The following NEIL2 variants were observed in gnomAD, a reference collection of about 807,000 sequenced individuals.
The protein encoded by NEIL2 is nei like DNA glycosylase 2, also known as endonuclease 8-like 2.
NEIL2 carries 23 observed loss-of-function variants against 22.2 expected under a neutral mutation model. The observed-to-expected ratio is 1.04, with a 90% confidence interval of 0.75 to 1.47. The LOEUF (loss-of-function observed/expected upper bound fraction) is 1.47. Ranked by LOEUF, NEIL2 falls within the 40% of genes most tolerant of loss-of-function variation. NEIL2 has a pLI of 0.00. For synonymous variants in NEIL2, 229 were observed against 164.8 expected (o/e 1.39, Z -2.99); for missense variants, 583 against 404.7 (o/e 1.44, Z -3.78).
chr8:11,778,731 C>G (rs1404048651), intron 2 of NEIL2, among the ~76,000 whole-genome samples: 1 of 151,896 alleles, frequency 6.6e-6, no homozygotes, highest in Non-Finnish European at 1.5e-5. Flanking sequence ...ACGGGCAGAT[C>G]GCTTGAGGTC....
intron 2 of NEIL2, among the ~76,000 whole-genome samples, chr8:11,776,701 G>T (rs1217784471): frequency 2.0e-5 from 3 of 152,178 alleles, no homozygotes; most frequent in African/African-American, 4.8e-5. Flanking sequence ...TCTTGCCACA[G>T]CACCTGGGGC....
chr8:11,780,163 G>T (rs1048577000), intron 3 of NEIL2, among the ~76,000 whole-genome samples: 1 of 152,100 alleles, frequency 6.6e-6, no homozygotes, highest in Non-Finnish European at 1.5e-5. Flanking sequence ...ACCAAGAGGT[G>T]GCTGGGAGAA....
chr8:11,774,092 C>G (rs1428656264), intron 2 of NEIL2, among the ~76,000 whole-genome samples: 2 of 152,146 alleles, frequency 1.3e-5, no homozygotes, highest in Non-Finnish European at 2.9e-5. Context: ...ATAAAACCGT[C>G]AGGCCAGGTG....
Position 11,783,304 on chromosome 8 carries a change from C to T in NEIL2, c.593C>T (p.Ser198Phe). 6.2e-7 allele frequency: 1 copy of T among 1,614,176 alleles called. No individual in the cohort carries two copies. Among genetic ancestry groups the T allele is most frequent in the Non-Finnish European group, 8.5e-7 (1 of 1,180,000 alleles). The change falls in exon 4 of 5, where the codon TCT (serine) becomes TTT (phenylalanine). Residue 198 changes from serine (S) to phenylalanine (F), a missense_variant. Transcript: ENST00000284503. Reference sequence around the variant, plus strand: ...GTCACACCCACCTGTGACATCCTGTCTGAGAAGTTCCATCGAGGACAAGCC... The same window carrying T: ...GTCACACCCACCTGTGACATCCTGTTTGAGAAGTTCCATCGAGGACAAGCC... ...PVVTPTCDIL[S>F]EKFHRGQALE... is the part of the protein sequence containing the mutation.
chr8:11,776,789 G>A (rs1409784531), intron 2 of NEIL2, among the ~76,000 whole-genome samples: 1 of 152,156 alleles, frequency 6.6e-6, no homozygotes, highest in Non-Finnish European at 1.5e-5. Context: ...CCCCTCTGCT[G>A]CAGCAGGGGT....
chr8:11,772,241 G>T (rs1803518645), intron 2 of NEIL2, among the ~76,000 whole-genome samples: 1 of 152,158 alleles, frequency 6.6e-6, no homozygotes, highest in African/African-American at 2.4e-5. Context: ...TTCAGATCTA[G>T]GTTCAAACCA....
rs8191519 is a variant in NEIL2, at chr8:11,769,923, G to T, written c.-415G>T. ...GCGGAGGTGCTGCCCACGCCTGGAG[G>T]CCCCCACTGACCCTCAGACCCGCGT... is the stretch of plus-strand genomic sequence containing the variant. On this transcript the variant is annotated 5_prime_UTR_variant, in exon 1 of 5. Transcript: ENST00000284503. 2.9e-4 allele frequency: 44 copies of T among 152,486 alleles called. No individual in the cohort carries two copies. The highest frequency in any genetic ancestry group is 1.1e-3 in the African/African-American group (44 of 41,560). 9.4% of individuals were successfully genotyped at this position (152,486 alleles called of 1,614,324 possible).
rs8191671 is a variant in NEIL2 at position 11,786,764 on chromosome 8, A to C, written c.*491A>C. ...AAGCAGTCTTCATCTCAGCCTCCAG[A>C]GTAGCTGGGACTACAGGCATGTGAT... On this transcript the variant is annotated 3_prime_UTR_variant, in exon 5 of 5. Coordinates refer to ENST00000284503, the MANE Select transcript of NEIL2 (RefSeq NM_145043.4). The C allele has an allele frequency of 0.029, 5,561 of 189,432 alleles. 325 individuals are homozygous for C. Among genetic ancestry groups the C allele is most frequent in the African/African-American group, 0.12 (5,139 of 41,684 alleles). 11.7% of individuals were successfully genotyped at this position (189,432 alleles called of 1,614,324 possible).
intron 4 of NEIL2, 22 bp from the exon 5 acceptor site, chr8:11,785,941 A>C (rs759607649): frequency 6.2e-6 from 10 of 1,611,026 alleles, no homozygotes; most frequent in South Asian, 1.1e-5. Context: ...TCCTTCCCTT[A>C]CCTTCCCCCG....
chr8:11,774,003 T>C (rs1397826936), intron 2 of NEIL2, among the ~76,000 whole-genome samples: 1 of 152,266 alleles, frequency 6.6e-6, no homozygotes, highest in South Asian at 2.1e-4. Context: ...CTCGCAATTA[T>C]GGCAGTAGGC....
intron 3 of NEIL2, among the ~76,000 whole-genome samples, chr8:11,781,470 A>G (rs1804416069): frequency 6.6e-6 from 1 of 152,214 alleles, no homozygotes; most frequent in African/African-American, 2.4e-5. Context: ...CAGATGAGGA[A>G]ACTTTCCTTA....
chr8:11,785,950 C>T lies in NEIL2; in HGVS notation c.689-13C>T, dbSNP rs8191663. Reference sequence around the variant, plus strand: ...CCTTTGTCCTTCCCTTACCTTCCCCCGCTTTATTTCAGGGAACATCATTAA... The same window carrying T: ...CCTTTGTCCTTCCCTTACCTTCCCCTGCTTTATTTCAGGGAACATCATTAA... On this transcript the variant is annotated splice_polypyrimidine_tract_variant and intron_variant, in intron 4 of 4. Coordinates refer to ENST00000284503, the MANE Select transcript of NEIL2 (RefSeq NM_145043.4). 0.23 allele frequency: 375,658 copies of T among 1,610,756 alleles called. 44,963 individuals are homozygous for T. Among genetic ancestry groups the T allele is most frequent in the African/African-American group, 0.32 (24,149 of 74,836 alleles).
intron 4 of NEIL2, among the ~76,000 whole-genome samples, chr8:11,784,674 C>T (rs1413208165): frequency 6.6e-6 from 1 of 152,158 alleles, no homozygotes; most frequent in Non-Finnish European, 1.5e-5. Flanking sequence ...GGACTCAGTC[C>T]ACTGTGGGTT....
intron 3 of NEIL2, among the ~76,000 whole-genome samples, chr8:11,780,938 A>G (rs1026342394): frequency 5.3e-5 from 8 of 152,148 alleles, no homozygotes; most frequent in African/African-American, 1.9e-4. Flanking sequence ...TTTTTGTGAC[A>G]TGTGTTGCCA....
chr8:11,772,483 G>A (rs1004235850), intron 2 of NEIL2, among the ~76,000 whole-genome samples: 6 of 152,168 alleles, frequency 3.9e-5, no homozygotes, highest in Non-Finnish European at 8.8e-5. Flanking sequence ...TGGTCTTCCA[G>A]CTTCCACTTG....
At chr8:11,774,558 T>G (rs1803748661) in intron 2 of NEIL2, among the ~76,000 whole-genome samples, 2 of 152,094 alleles carry the variant, frequency 1.3e-5, no homozygotes, top group Admixed American at 1.3e-4. Flanking sequence ...TCCTCACATT[T>G]CAAAACCAAT....
chr8:11,778,951 A>AG (rs2130492913), intron 2 of NEIL2, among the ~76,000 whole-genome samples: 1 of 148,072 alleles, frequency 6.8e-6, no homozygotes, highest in East Asian at 1.9e-4. Context: ...CTGAAAAAAA[A>AG]AAAAAAAAAA....
chr8:11,770,249 G>A lies in NEIL2; in HGVS notation c.-89G>A, dbSNP rs1384863524. The stretch of plus-strand genomic sequence containing the variant: ...CTAAACGAAACATGCCCACGTGTCC[G>A]GAGATTTTCAGGACTTGGTGCATTT... On this transcript the variant is annotated 5_prime_UTR_variant, in exon 1 of 5. Transcript: ENST00000284503. 3 of 152,222 alleles carry A rather than the reference G, an allele frequency of 2.0e-5. No homozygotes were observed. Among genetic ancestry groups the A allele is most frequent in the Non-Finnish European group, 4.4e-5 (3 of 68,054 alleles). 9.4% of individuals were successfully genotyped at this position (152,222 alleles called of 1,614,324 possible).
rs928400192 is a variant in NEIL2 at position 11,771,527 on chromosome 8, G to T, written c.80G>T (p.Gly27Val). 2.5e-6 allele frequency: 4 copies of T among 1,613,976 alleles called. No individual in the cohort carries two copies. The African/African-American group carries it at 5.3e-5, about 22-fold the overall frequency. ...FVGQQVVKTG[G>V]SSKKLQPASL... ...GGTCAGCAGGTGGTCAAGACAGGGG[G>T]CAGCAGTAAGAAGCTACAGCCCGCC... Residue 27 changes from glycine to valine, a missense_variant, in exon 2 of 5, where the codon GGC becomes GTC. Coordinates refer to ENST00000284503, the MANE Select transcript of NEIL2 (RefSeq NM_145043.4).
Sources: allele counts gnomAD v4.1 joint callset (sites outside exome capture counted in the v4.1 genomes callset), GRCh38; gene constraint gnomAD v4.1.1; transcripts MANE v1.5; gene names NCBI Gene and HGNC (gene_info 2026-07-23, HGNC 2026-07-21).